The following DPP10 variants were observed in gnomAD, a reference collection of about 807,000 sequenced individuals.
The protein encoded by DPP10 is inactive dipeptidyl peptidase 10.
DPP10 carries 33 observed loss-of-function variants against 120.9 expected under a neutral mutation model. The ratio of observed to expected loss-of-function variants is 0.27; its 90% CI spans 0.21 to 0.37. The LOEUF is 0.37. Among genes scored for constraint, DPP10 ranks in the 10% least tolerant of loss-of-function variants. DPP10 has a pLI of 1.00. For missense variants in DPP10, 816 were observed against 942.8 expected (o/e 0.87, Z 1.76); for synonymous variants, 337 against 326.1 (o/e 1.03, Z -0.36).
At chr2:114,693,463 CT>C (rs1405924074) in intron 1 of DPP10, among the ~76,000 whole-genome samples, 1 of 151,764 alleles carries the variant, frequency 6.6e-6, no homozygotes, top group Non-Finnish European at 1.5e-5. Context: ...AGTCTGATGG[CT>C]TTTCCTTTGT....
chr2:114,695,423 T>G (rs1186517690), intron 1 of DPP10, among the ~76,000 whole-genome samples: 2 of 152,062 alleles, frequency 1.3e-5, no homozygotes, highest in African/African-American at 4.8e-5. Flanking sequence ...GCTAAACAGT[T>G]GTACATTGAC....
chr2:114,567,040 T>C (rs1329352195), intron 1 of DPP10, among the ~76,000 whole-genome samples: 1 of 152,150 alleles, frequency 6.6e-6, no homozygotes, highest in Non-Finnish European at 1.5e-5. Context: ...TGCCTCTGAC[T>C]ACCATACTCC....
intron 4 of DPP10, among the ~76,000 whole-genome samples, chr2:115,515,346 A>C (rs1282088670): frequency 6.6e-6 from 1 of 151,792 alleles, no homozygotes; most frequent in Non-Finnish European, 1.5e-5. Context: ...CTGTTAGTCC[A>C]CTCTTCCTGT....
chr2:114,600,113 A>G (rs1041216010), intron 1 of DPP10, among the ~76,000 whole-genome samples: 2 of 151,384 alleles, frequency 1.3e-5, no homozygotes, highest in Non-Finnish European at 3.0e-5. Flanking sequence ...ATCTTTGGAT[A>G]TTTATTTCTC....
intron 8 of DPP10, among the ~76,000 whole-genome samples, chr2:115,738,534 A>G (rs918909031): frequency 1.3e-4 from 20 of 152,256 alleles, no homozygotes; most frequent in African/African-American, 4.6e-4. Context: ...TTGAAAAAAG[A>G]CCATTGTCAC....
chr2:115,261,144 A>C (rs1341751210), intron 1 of DPP10, among the ~76,000 whole-genome samples: 1 of 152,196 alleles, frequency 6.6e-6, no homozygotes, highest in East Asian at 1.9e-4. Flanking sequence ...AACAAGAACA[A>C]CAACAACAAA....
chr2:115,325,215 A>G (rs1239100085), intron 2 of DPP10, among the ~76,000 whole-genome samples: 1 of 152,160 alleles, frequency 6.6e-6, no homozygotes, highest in Non-Finnish European at 1.5e-5. Flanking sequence ...GTAAAAAACA[A>G]TGTCTGCAAA....
intron 1 of DPP10, among the ~76,000 whole-genome samples, chr2:114,897,970 C>G (rs547406898): frequency 6.6e-6 from 1 of 152,220 alleles, no homozygotes; most frequent in Admixed American, 6.5e-5. Flanking sequence ...ACTAGAAATA[C>G]CATTTGACCC....
intron 7 of DPP10, among the ~76,000 whole-genome samples, chr2:115,709,594 C>T (rs2149564503): frequency 6.9e-6 from 1 of 145,064 alleles, no homozygotes; most frequent in East Asian, 2.1e-4. Flanking sequence ...AGAAAATGGA[C>T]ACTTGTAGAA....
intron 1 of DPP10, among the ~76,000 whole-genome samples, chr2:114,472,024 G>A (rs1225926717): frequency 1.3e-5 from 2 of 152,212 alleles, no homozygotes; most frequent in Non-Finnish European, 2.9e-5. Context: ...AATAACTATT[G>A]CAATGTGGGA....
intron 19 of DPP10, among the ~76,000 whole-genome samples, chr2:115,809,325 A>T (rs1386033722): frequency 6.6e-6 from 1 of 152,210 alleles, no homozygotes; most frequent in Non-Finnish European, 1.5e-5. Flanking sequence ...GCTGCAACTA[A>T]ATCATCATGG....
At chr2:114,584,897 G>A (rs1013319520) in intron 1 of DPP10, among the ~76,000 whole-genome samples, 3 of 152,168 alleles carry the variant, frequency 2.0e-5, no homozygotes, top group Non-Finnish European at 4.4e-5. Flanking sequence ...GAAGGGGAAA[G>A]TTTGGATCTC....
chr2:115,492,409 G>A (rs1024904957), intron 3 of DPP10, among the ~76,000 whole-genome samples: 3 of 152,112 alleles, frequency 2.0e-5, no homozygotes, highest in African/African-American at 7.2e-5. Flanking sequence ...TTAGAGTTGG[G>A]CATACTTTGT....
At chr2:114,932,475 C>T (rs898120739) in intron 1 of DPP10, among the ~76,000 whole-genome samples, 4 of 152,008 alleles carry the variant, frequency 2.6e-5, no homozygotes, top group African/African-American at 9.7e-5. Context: ...CTAAAAAGAA[C>T]AAATTTTTTA....
intron 1 of DPP10, among the ~76,000 whole-genome samples, chr2:114,873,735 G>A (rs1215787944): frequency 1.3e-5 from 2 of 152,010 alleles, no homozygotes; most frequent in African/African-American, 4.8e-5. Flanking sequence ...TAACAACCAC[G>A]TTAACGTACA....
intron 1 of DPP10, among the ~76,000 whole-genome samples, chr2:114,832,188 T>A (rs905621484): frequency 6.6e-6 from 1 of 152,212 alleles, no homozygotes; most frequent in Non-Finnish European, 1.5e-5. Context: ...TAAAAGTATG[T>A]TCTTAAATAG....
intron 8 of DPP10, among the ~76,000 whole-genome samples, chr2:115,736,278 G>T (rs1214070142): frequency 6.6e-6 from 1 of 152,110 alleles, no homozygotes; most frequent in Admixed American, 6.5e-5. Context: ...TGGCTATACA[G>T]GTGGGGCACA....
chr2:114,544,351 T>C (rs1477109396), intron 1 of DPP10, among the ~76,000 whole-genome samples: 1 of 152,256 alleles, frequency 6.6e-6, no homozygotes, highest in East Asian at 1.9e-4. Context: ...TTTGTTCATA[T>C]TCTTGGCAGT....
intron 1 of DPP10, among the ~76,000 whole-genome samples, chr2:114,862,749 C>A (rs1381536090): frequency 6.6e-6 from 1 of 151,922 alleles, no homozygotes; most frequent in Non-Finnish European, 1.5e-5. Flanking sequence ...TAAATAGAAG[C>A]AATGTAGTAG....
Sources: gnomAD v4.1 joint callset for allele counts (sites outside exome capture counted in the v4.1 genomes callset) on GRCh38, gnomAD v4.1.1 for gene constraint, MANE v1.5 for transcripts, NCBI Gene and HGNC (gene_info 2026-07-23, HGNC 2026-07-21) for gene names.